Variants in DPYSL3 observed in about 807,000 individuals in gnomAD.
The protein encoded by DPYSL3 is dihydropyrimidinase like 3.
A neutral mutation model predicts 66.1 loss-of-function variants in DPYSL3; 16 were observed. That is an observed-to-expected ratio of 0.24 (90% CI 0.16 to 0.37). The LOEUF is 0.37. DPYSL3 is among the 10% of genes least tolerant of loss of function. The pLI is 1.00. For synonymous variants in DPYSL3, 338 were observed against 345.1 expected (o/e 0.98, Z 0.23); for missense variants, 738 against 916.2 (o/e 0.81, Z 2.51).
At position 147,505,966 on chromosome 5, in the gene DPYSL3, G is replaced by T. The variant is rs1022021039; in HGVS notation, c.381+3512C>A. On this transcript the variant is annotated intron_variant, in intron 1 of 13. Coordinates refer to ENST00000343218, the MANE Select transcript of DPYSL3 (RefSeq NM_001197294.2). ...TCAGAAAAATCAGATTGTGAATTCT[G>T]GCTCCCCCCACTTATTATTTATGTG... Among the ~76,000 whole-genome samples the T allele has an allele frequency of 6.6e-5, 10 of 152,228 alleles. No homozygotes were observed. In the South Asian group the frequency reaches 1.3e-3, roughly 19 times the overall value.
chr5:147,510,035 C>T lies in DPYSL3; in HGVS notation c.-177G>A, dbSNP rs1432169592. 3.6e-6 allele frequency: 4 copies of T among 1,112,288 alleles called. No individual in the cohort carries two copies. The highest frequency in any genetic ancestry group is 3.1e-5 in the Admixed American group (1 of 32,050). 68.9% of individuals were successfully genotyped at this position (1,112,288 alleles called of 1,614,324 possible). A position where few individuals can be genotyped will look rare whatever the true frequency, so the allele number is the denominator to read the frequency against. On this transcript the variant is annotated 5_prime_UTR_variant, in exon 1 of 14. The change creates a new upstream start codon in the 5' untranslated region. Coordinates refer to ENST00000343218, the MANE Select transcript of DPYSL3 (RefSeq NM_001197294.2). ...GTCCCTAGCGAGCCAGCGAGCCACA[C>T]AGCCAGCTAGCGCGCGGAGCAGGGG...
chr5:147,397,901 C>G, intron 11 of DPYSL3, 56 bp from the exon 12 acceptor site: 2 of 918,080 alleles, frequency 2.2e-6, no homozygotes, highest in Non-Finnish European at 3.0e-6. Context: ...GAGGAACGTA[C>G]CTTCTCTCCT....
At position 147,500,036 on chromosome 5, in the gene DPYSL3, T is replaced by C. The variant is rs144132816; in HGVS notation, c.381+9442A>G. 2.0e-3 allele frequency among the ~76,000 whole-genome samples: 305 copies of C among 152,058 alleles called. 1 individual carries two copies. Among genetic ancestry groups the C allele is most frequent in the African/African-American group, 7.1e-3 (296 of 41,484 alleles). ...ATCTATGCCATTCACAAAAAATAAC[T>C]CCAAATGGATCATAAACCTAAATGT... On this transcript the variant is annotated intron_variant, in intron 1 of 13. Transcript: ENST00000343218.
At position 147,391,699 on chromosome 5, in the gene DPYSL3, T is replaced by C. The variant is rs1757808763; in HGVS notation, c.*2336A>G. 6.6e-6 allele frequency: 1 copy of C among 152,258 alleles called. No individual in the cohort carries two copies. The highest frequency in any genetic ancestry group is 2.4e-5 in the African/African-American group (1 of 41,548). 9.4% of individuals were successfully genotyped at this position (152,258 alleles called of 1,614,324 possible). A position where few individuals can be genotyped will look rare whatever the true frequency, so the allele number is the denominator to read the frequency against. Reference sequence around the variant, plus strand: ...AATCTGAATATAAATTTTAAAATAGTGGGAGTTATTCTCGCAATTCCCAGG... The same window carrying C: ...AATCTGAATATAAATTTTAAAATAGCGGGAGTTATTCTCGCAATTCCCAGG... On this transcript the variant is annotated 3_prime_UTR_variant, in exon 14 of 14. Coordinates refer to ENST00000343218, the MANE Select transcript of DPYSL3 (RefSeq NM_001197294.2).
At chr5:147,399,489 T>C (rs575457034) in intron 10 of DPYSL3, among the ~76,000 whole-genome samples, 111 of 152,302 alleles carry the variant, frequency 7.3e-4, no homozygotes, top group African/African-American at 2.6e-3. Flanking sequence ...CCCTGAAGTA[T>C]GCATTTTTTT....
intron 1 of DPYSL3, among the ~76,000 whole-genome samples, chr5:147,452,130 T>C (rs1752741120): frequency 1.3e-5 from 2 of 152,072 alleles, no homozygotes; most frequent in Admixed American, 6.5e-5. Flanking sequence ...CTCAGTTGCA[T>C]GAAAAAGGTA....
chr5:147,439,244 A>G (rs1474500625), intron 1 of DPYSL3, among the ~76,000 whole-genome samples: 2 of 152,214 alleles, frequency 1.3e-5, no homozygotes, highest in African/African-American at 4.8e-5. Context: ...AACAGTGATA[A>G]GTGAAATTTA....
chr5:147,404,042 T>G lies in DPYSL3; in HGVS notation c.1153+1568A>C, dbSNP rs185849115. On this transcript the variant is annotated intron_variant, in intron 8 of 13. Coordinates refer to ENST00000343218, the MANE Select transcript of DPYSL3 (RefSeq NM_001197294.2). ...GCCTCAGCAGAGGGCATGAGGGCGG[T>G]GGGTGGTCACAGTTGGCAGGGGTGT... 4.7e-3 allele frequency among the ~76,000 whole-genome samples: 721 copies of G among 151,998 alleles called. 3 individuals are homozygous for G. Among genetic ancestry groups the G allele is most frequent in the Admixed American group, 6.9e-3 (105 of 15,266 alleles).
intron 1 of DPYSL3, among the ~76,000 whole-genome samples, chr5:147,467,312 G>T (rs1354441943): frequency 6.6e-6 from 1 of 152,170 alleles, no homozygotes; most frequent in East Asian, 1.9e-4. Flanking sequence ...AGGGGAAACA[G>T]GTCTTATGAA....
At chr5:147,397,051 C>T (rs866221058) in intron 12 of DPYSL3, among the ~76,000 whole-genome samples, 11 of 146,674 alleles carry the variant, frequency 7.5e-5, no homozygotes, top group Non-Finnish European at 1.3e-4. Context: ...ATATATTATT[C>T]TATATTTATA....
chr5:147,458,989 T>A (rs1417265968), intron 1 of DPYSL3, among the ~76,000 whole-genome samples: 1 of 151,950 alleles, frequency 6.6e-6, no homozygotes, highest in Non-Finnish European at 1.5e-5. Flanking sequence ...TTTTGATTTT[T>A]TTTTTTTTTT....
chr5:147,469,905 TC>T (rs2126421882), intron 1 of DPYSL3, among the ~76,000 whole-genome samples: 1 of 152,308 alleles, frequency 6.6e-6, no homozygotes, highest in Admixed American at 6.5e-5. Flanking sequence ...ACCATCTTGA[TC>T]CTTCAGGAAT....
At chr5:147,498,330 G>A (rs1244391240) in intron 1 of DPYSL3, among the ~76,000 whole-genome samples, 3 of 152,026 alleles carry the variant, frequency 2.0e-5, no homozygotes, top group Non-Finnish European at 2.9e-5. Flanking sequence ...TCTTTATCCA[G>A]TCTATCAGTG....
At chr5:147,476,815 T>C (rs935234985) in intron 1 of DPYSL3, among the ~76,000 whole-genome samples, 1 of 152,172 alleles carries the variant, frequency 6.6e-6, no homozygotes, top group East Asian at 1.9e-4. Flanking sequence ...TTTTAGGAAT[T>C]CCTAAAGTGA....
chr5:147,507,066 T>C (rs896146595), intron 1 of DPYSL3, among the ~76,000 whole-genome samples: 2 of 152,116 alleles, frequency 1.3e-5, no homozygotes, highest in African/African-American at 4.8e-5. Context: ...GGAGCCTCCA[T>C]CAAGTTAGGC....
At chr5:147,403,401 G>A (rs1182969640) in intron 8 of DPYSL3, among the ~76,000 whole-genome samples, 2 of 151,656 alleles carry the variant, frequency 1.3e-5, no homozygotes. Flanking sequence ...TAGCATGGAA[G>A]AGTAAAAGAA....
chr5:147,413,746 A>G, intron 4 of DPYSL3, 89 bp from the exon 5 acceptor site: 1 of 1,046,254 alleles, frequency 9.6e-7, no homozygotes, highest in South Asian at 1.3e-5. Flanking sequence ...CATCGACCAT[A>G]GCACCCAGCT....
At chr5:147,402,177 G>A (rs1758200965) in intron 8 of DPYSL3, among the ~76,000 whole-genome samples, 1 of 152,148 alleles carries the variant, frequency 6.6e-6, no homozygotes, top group African/African-American at 2.4e-5. Flanking sequence ...CCTAGAGGAT[G>A]TTTGGTAAAT....
At chr5:147,457,085 G>C (rs1272306769) in intron 1 of DPYSL3, among the ~76,000 whole-genome samples, 1 of 151,940 alleles carries the variant, frequency 6.6e-6, no homozygotes, top group African/African-American at 2.4e-5. Flanking sequence ...TTTACCTTGT[G>C]CTTACTATGT....
Sources: gnomAD v4.1 joint callset for allele counts (sites outside exome capture counted in the v4.1 genomes callset) on GRCh38, gnomAD v4.1.1 for gene constraint, MANE v1.5 for transcripts, NCBI Gene and HGNC (gene_info 2026-07-23, HGNC 2026-07-21) for gene names.